CCDC30: variants seen among roughly 807,000 people sequenced by gnomAD.
The protein encoded by CCDC30 is coiled-coil domain containing 30.
CCDC30 carries 70 observed loss-of-function variants against 100.2 expected under a neutral mutation model. The observed-to-expected ratio is 0.70, with a 90% CI of 0.58 to 0.85. The LOEUF is 0.85. Ranked by LOEUF, CCDC30 falls within the 40% of genes least tolerant of loss-of-function variation. The pLI is 0.00. For missense variants in CCDC30, 652 were observed against 771.2 expected, an observed-to-expected ratio of 0.85 and a Z score of 1.83; for synonymous variants, 233 against 269.5, an observed-to-expected ratio of 0.86 and a Z score of 1.33.
chr1:42,497,746 A>C (rs1440976507), intron 5 of CCDC30, among the ~76,000 whole-genome samples: 1 of 152,220 alleles, frequency 6.6e-6, no homozygotes, highest in Non-Finnish European at 1.5e-5. Context: ...AGAGTGACTA[A>C]AGACCCATCA....
chr1:42,589,478 G>A (rs1016942705), exon 10 of CCDC30: 1 of 1,612,630 alleles, frequency 6.2e-7, no homozygotes. Context: ...AAGAAAATAT[G>A]ATGAGGTAAG....
intron 10 of CCDC30, 71 bp downstream of exon 14, chr1:42,589,554 C>A: frequency 1.5e-6 from 2 of 1,353,326 alleles, no homozygotes; most frequent in East Asian, 2.3e-5. Flanking sequence ...TTATTGAGTG[C>A]CTAGCACTTT....
chr1:42,470,492 T>C (rs747279352), intron 1 of CCDC30, among the ~76,000 whole-genome samples: 2 of 152,192 alleles, frequency 1.3e-5, no homozygotes, highest in Non-Finnish European at 2.9e-5. Context: ...AAAACAGGGA[T>C]TCAAATACTT....
chr1:42,584,383 A>G (rs2809657), intron 9 of CCDC30, among the ~76,000 whole-genome samples: 91,400 of 152,048 alleles, frequency 0.6, 27,960 homozygotes, highest in East Asian at 0.81. Context: ...TTGAGGTCAG[A>G]AGTTTGAGAC....
Position 42,495,531 on chromosome 1 carries a change from C to CAA in CCDC30, c.242-1554_242-1553dup, listed in dbSNP as rs113033883. On this transcript the variant is annotated intron_variant, in intron 4 of 16. Transcript: ENST00000668663. ...TAATAAAAAAATAAAAATAAAAAAG[C>CAA]AAAAAAAAAAAAAATTAGCCAGGTT... Among the ~76,000 whole-genome samples, 575 of 141,760 alleles carry CAA rather than the reference C, an allele frequency of 4.1e-3. 4 individuals are homozygous for CAA. The highest frequency in any genetic ancestry group is 5.8e-3 in the Non-Finnish European group (377 of 64,686). 93.0% of individuals were successfully genotyped at this position (141,760 alleles called of 152,430 possible).
chr1:42,605,517 C>T (rs183032411), intron 10 of CCDC30, among the ~76,000 whole-genome samples: 113 of 152,236 alleles, frequency 7.4e-4, no homozygotes, highest in African/African-American at 2.3e-3. Flanking sequence ...CTCACTCTGT[C>T]GCCCAGGCTG....
intron 1 of CCDC30, among the ~76,000 whole-genome samples, chr1:42,478,029 A>T (rs1386945247): frequency 6.6e-6 from 1 of 152,220 alleles, no homozygotes; most frequent in African/African-American, 2.4e-5. Flanking sequence ...ATGCTAAACT[A>T]AGGCATTTGG....
At chr1:42,587,701 T>G (rs918204862) in intron 9 of CCDC30, among the ~76,000 whole-genome samples, 7 of 152,204 alleles carry the variant, frequency 4.6e-5, no homozygotes, top group Non-Finnish European at 1.0e-4. Context: ...TTGTCGAATG[T>G]CAGGATTTTA....
intron 1 of CCDC30, among the ~76,000 whole-genome samples, chr1:42,475,058 G>T (rs1373946114): frequency 6.6e-6 from 1 of 151,848 alleles, no homozygotes; most frequent in Non-Finnish European, 1.5e-5. Context: ...CCACAGAGAG[G>T]GAAACTTGAT....
At chr1:42,595,888 A>G (rs1469379072) in intron 10 of CCDC30, among the ~76,000 whole-genome samples, 2 of 152,190 alleles carry the variant, frequency 1.3e-5, no homozygotes, top group African/African-American at 4.8e-5. Context: ...AGAAAGCACT[A>G]TTTGTTCCGT....
intron 10 of CCDC30, among the ~76,000 whole-genome samples, chr1:42,597,358 C>T (rs1305727155): frequency 6.6e-6 from 1 of 152,074 alleles, no homozygotes; most frequent in Non-Finnish European, 1.5e-5. Context: ...AAAACTACAT[C>T]TAGGCATAAA....
At chr1:42,477,440 G>C (rs1388166803) in intron 1 of CCDC30, among the ~76,000 whole-genome samples, 1 of 152,108 alleles carries the variant, frequency 6.6e-6, no homozygotes, top group African/African-American at 2.4e-5. Context: ...ATTTTGGCCA[G>C]GATGATCTTG....
At chr1:42,550,727 G>A (rs979881128) in intron 6 of CCDC30, among the ~76,000 whole-genome samples, 3 of 152,170 alleles carry the variant, frequency 2.0e-5, no homozygotes, top group Non-Finnish European at 4.4e-5. Flanking sequence ...TTATTTGTTT[G>A]TGTGTTTGTT....
intron 11 of CCDC30, among the ~76,000 whole-genome samples, chr1:42,611,851 AT>A (rs1237024310): frequency 1.3e-5 from 2 of 151,824 alleles, no homozygotes; most frequent in Non-Finnish European, 2.9e-5. Flanking sequence ...TCACTTTTTA[AT>A]TTTTTTATAG....
the CCDC30 span, among the ~76,000 whole-genome samples, chr1:42,457,966 A>C: frequency 5.3e-5 from 8 of 151,628 alleles, no homozygotes; most frequent in Non-Finnish European, 8.8e-5. Flanking sequence ...AAAAAAAAAA[A>C]AAAACACCAA....
At chr1:42,476,903 T>G (rs1643889471) in intron 1 of CCDC30, among the ~76,000 whole-genome samples, 2 of 150,646 alleles carry the variant, frequency 1.3e-5, no homozygotes, top group Non-Finnish European at 3.0e-5. Flanking sequence ...TTGTTTTTTT[T>G]TTTTGCCTAG....
the CCDC30 span, chr1:42,456,943 G>A: frequency 5.6e-6 from 9 of 1,606,502 alleles, no homozygotes; most frequent in South Asian, 7.7e-5. Context: ...ATGCACTTCC[G>A]GGTTTTGCTG....
intron 6 of CCDC30, among the ~76,000 whole-genome samples, chr1:42,558,528 C>A (rs1408131689): frequency 6.6e-6 from 1 of 152,128 alleles, no homozygotes; most frequent in East Asian, 1.9e-4. Flanking sequence ...CAGCAGTAAT[C>A]ATTATTATCC....
chr1:42,520,634 C>CTTTTTTTTTT (rs1181298704), intron 6 of CCDC30, among the ~76,000 whole-genome samples: 4 of 64,772 alleles, frequency 6.2e-5, no homozygotes, highest in Non-Finnish European at 5.5e-5. Context: ...CCGGCCTCAT[C>CTTTTTTTTTT]TTTTTTTTTT....
Sources: allele counts gnomAD v4.1 joint callset (sites outside exome capture counted in the v4.1 genomes callset), GRCh38; gene constraint gnomAD v4.1.1; transcripts MANE v1.5; gene names NCBI Gene and HGNC (gene_info 2026-07-23, HGNC 2026-07-21).